Variants in CLEC19A observed in about 807,000 individuals in gnomAD.
CLEC19A encodes C-type lectin domain containing 19A.
Under a neutral mutation model 26.1 loss-of-function variants are expected in CLEC19A, and 21 were observed. The observed-to-expected ratio is 0.80, with a 90% CI of 0.57 to 1.16. CLEC19A has a LOEUF of 1.16. CLEC19A is among the 50% of genes most tolerant of loss of function. The pLI, the probability that CLEC19A is intolerant of heterozygous loss-of-function variation, is 0.00. For missense variants in CLEC19A, 224 were observed against 227.6 expected (o/e 0.98, Z 0.10); for synonymous variants, 89 against 88.6 (o/e 1.00, Z -0.03).
At chr16:19,292,662 G>A (rs1377464685) in intron 1 of CLEC19A, among the ~76,000 whole-genome samples, 4 of 152,268 alleles carry the variant, frequency 2.6e-5, no homozygotes, top group African/African-American at 9.6e-5. Flanking sequence ...GAGGTGCAAG[G>A]GGCTCTAAAA....
intron 1 of CLEC19A, among the ~76,000 whole-genome samples, chr16:19,287,885 A>G (rs1260046143): frequency 6.6e-6 from 1 of 152,220 alleles, no homozygotes; most frequent in Non-Finnish European, 1.5e-5. Flanking sequence ...GTGGTTGTTG[A>G]TGTTATACTA....
At chr16:19,302,478 G>A (rs1472239954) in intron 2 of CLEC19A, among the ~76,000 whole-genome samples, 2 of 152,210 alleles carry the variant, frequency 1.3e-5, no homozygotes, top group African/African-American at 4.8e-5. Flanking sequence ...GCTGATGGGA[G>A]CAGATACATG....
intron 1 of CLEC19A, among the ~76,000 whole-genome samples, chr16:19,289,929 G>A (rs924701925): frequency 6.6e-6 from 1 of 152,164 alleles, no homozygotes; most frequent in East Asian, 1.9e-4. Context: ...CTTCCAGCCC[G>A]CTGGGAGTGT....
intron 4 of CLEC19A, among the ~76,000 whole-genome samples, chr16:19,308,230 T>C (rs537420989): frequency 1.3e-5 from 2 of 152,342 alleles, no homozygotes; most frequent in Non-Finnish European, 2.9e-5. Context: ...ACAAGACTGC[T>C]GTGAGGATTA....
At position 19,310,907 on chromosome 16, in the gene CLEC19A, T is replaced by C. The variant is rs961885497; in HGVS notation, c.*1824T>C. The C allele has an allele frequency of 2.6e-5, 4 of 152,228 alleles. No individual in the cohort carries two copies. Among genetic ancestry groups the C allele is most frequent in the African/African-American group, 7.2e-5 (3 of 41,460 alleles). The allele number at this position is 152,228 out of a possible 1,614,324, so 9.4% of individuals were successfully genotyped here. On this transcript the variant is annotated 3_prime_UTR_variant, in exon 5 of 5. Coordinates refer to ENST00000636231, the MANE Select transcript of CLEC19A (RefSeq NM_001256720.2). Reference sequence around the variant, plus strand: ...AAATGTACAAGAAGCCACTGAACTGTACATTTTAAAATAATAGTTAAAATG... The same window carrying C: ...AAATGTACAAGAAGCCACTGAACTGCACATTTTAAAATAATAGTTAAAATG...
intron 2 of CLEC19A, chr16:19,303,842 A>C (rs551653334): frequency 4.3e-6 from 2 of 461,836 alleles, no homozygotes; most frequent in Admixed American, 3.4e-5. Context: ...GATGAGTAGC[A>C]GTACTGAGTC....
At chr16:19,298,431 G>A (rs539407108) in intron 1 of CLEC19A, among the ~76,000 whole-genome samples, 3 of 152,070 alleles carry the variant, frequency 2.0e-5, no homozygotes, top group South Asian at 2.1e-4. Context: ...GGCAAGCATG[G>A]TGGTGCACAC....
At chr16:19,303,932 A>G in intron 2 of CLEC19A, 130 bp from the exon 3 acceptor site, 1 of 708,584 alleles carries the variant, frequency 1.4e-6, no homozygotes, top group African/African-American at 1.8e-5. Flanking sequence ...TGAAAAATGG[A>G]GGCCGAATTG....
rs1450896646 is a variant in CLEC19A, at chr16:19,309,916, T to C, written c.*833T>C. 1.3e-5 allele frequency: 2 copies of C among 151,964 alleles called. No homozygotes were observed. Among genetic ancestry groups the C allele is most frequent in the Non-Finnish European group, 2.9e-5 (2 of 68,014 alleles). The allele number at this position is 151,964 out of a possible 1,614,324, so 9.4% of individuals were successfully genotyped here. A position where few individuals can be genotyped will look rare whatever the true frequency, so the allele number is the denominator to read the frequency against. ...ACCTCAGCCTCCCAAAGTACTGGGA[T>C]TACAGGCATGAGCCACTGCGCCTAG... On this transcript the variant is annotated 3_prime_UTR_variant, in exon 5 of 5. Coordinates refer to ENST00000636231, the MANE Select transcript of CLEC19A (RefSeq NM_001256720.2).
At chr16:19,290,539 C>T (rs1361384262) in intron 1 of CLEC19A, among the ~76,000 whole-genome samples, 1 of 152,194 alleles carries the variant, frequency 6.6e-6, no homozygotes, top group Non-Finnish European at 1.5e-5. Flanking sequence ...GAGACAGCAC[C>T]TCCTCTAAGA....
intron 1 of CLEC19A, among the ~76,000 whole-genome samples, chr16:19,297,049 G>T (rs913341663): frequency 1.3e-5 from 2 of 152,188 alleles, no homozygotes; most frequent in African/African-American, 4.8e-5. Context: ...TTCTCAGCCT[G>T]CCTGTCTCCT....
chr16:19,295,328 G>C (rs1897684491), intron 1 of CLEC19A, among the ~76,000 whole-genome samples: 1 of 151,990 alleles, frequency 6.6e-6, no homozygotes, highest in Non-Finnish European at 1.5e-5. Flanking sequence ...TCCCACCTCA[G>C]AGTAGCTAGG....
intron 4 of CLEC19A, 115 bp downstream of exon 4, chr16:19,307,792 A>C: frequency 7.2e-7 from 1 of 1,381,392 alleles, no homozygotes; most frequent in Non-Finnish European, 9.8e-7. Context: ...AGACTGGCAA[A>C]TTGTTCAGCA....
chr16:19,298,606 T>A (rs1277362875), intron 1 of CLEC19A, 67 bp from the exon 2 acceptor site: 7 of 1,467,198 alleles, frequency 4.8e-6, no homozygotes, highest in Non-Finnish European at 6.4e-6. Flanking sequence ...GAAAATAGGT[T>A]CTAAGCTATG....
chr16:19,286,137 G>A (rs1430018363), intron 1 of CLEC19A, among the ~76,000 whole-genome samples, 198 bp downstream of exon 1: 2 of 152,236 alleles, frequency 1.3e-5, no homozygotes, highest in East Asian at 3.8e-4. Flanking sequence ...TTGAATCCCA[G>A]TTTTGCAGTT....
chr16:19,300,790 G>C (rs1897803105), intron 2 of CLEC19A, among the ~76,000 whole-genome samples: 1 of 152,192 alleles, frequency 6.6e-6, no homozygotes, highest in African/African-American at 2.4e-5. Context: ...AGGCAAACTA[G>C]AGATACATAG....
At chr16:19,291,923 A>C (rs1423982931) in intron 1 of CLEC19A, among the ~76,000 whole-genome samples, 1 of 152,126 alleles carries the variant, frequency 6.6e-6, no homozygotes, top group Non-Finnish European at 1.5e-5. Context: ...CCACCAAATT[A>C]CTCAGTGGAG....
chr16:19,305,837 G>GT (rs559873104), intron 3 of CLEC19A, among the ~76,000 whole-genome samples: 90 of 150,306 alleles, frequency 6.0e-4, no homozygotes, highest in South Asian at 5.1e-3. Context: ...TTTTTTTGCT[G>GT]TTTTTTTTTT....
intron 4 of CLEC19A, 28 bp downstream of exon 4, chr16:19,307,705 G>A: frequency 6.5e-7 from 1 of 1,547,196 alleles, no homozygotes; most frequent in Non-Finnish European, 8.7e-7. Flanking sequence ...CAAGGCTCTT[G>A]CAGGGGAGCC....
Sources: gnomAD v4.1 joint callset for allele counts (sites outside exome capture counted in the v4.1 genomes callset) on GRCh38, gnomAD v4.1.1 for gene constraint, MANE v1.5 for transcripts, NCBI Gene and HGNC (gene_info 2026-07-23, HGNC 2026-07-21) for gene names.